MACROD2: variants seen among roughly 807,000 people sequenced by gnomAD.
MACROD2 encodes mono-ADP ribosylhydrolase 2, also known as ADP-ribose glycohydrolase MACROD2.
A neutral mutation model predicts 70.4 loss-of-function variants in MACROD2; 36 were observed. The ratio of observed to expected loss-of-function variants is 0.51; its 90% confidence interval spans 0.39 to 0.68. The LOEUF (loss-of-function observed/expected upper bound fraction) is 0.68. Among genes scored for constraint, MACROD2 ranks in the 30% least tolerant of loss-of-function variants. The pLI is 0.00. For missense variants in MACROD2, 496 were observed against 538.4 expected, an observed-to-expected ratio of 0.92 and a Z score of 0.78; for synonymous variants, 172 against 178.8, an observed-to-expected ratio of 0.96 and a Z score of 0.30.
chr20:14,542,212 T>C (rs971840622), intron 4 of MACROD2, among the ~76,000 whole-genome samples: 1 of 152,234 alleles, frequency 6.6e-6, no homozygotes, highest in African/African-American at 2.4e-5. Context: ...CTCCTATGTA[T>C]ATTTTGCCAA....
At chr20:14,862,323 A>T (rs1194775599) in intron 5 of MACROD2, among the ~76,000 whole-genome samples, 1 of 36,006 alleles carries the variant, frequency 2.8e-5, no homozygotes, top group East Asian at 1.1e-3. Context: ...GTAAATATAT[A>T]TATAAAAATA....
chr20:15,937,306 A>G (rs1379090009), intron 11 of MACROD2, among the ~76,000 whole-genome samples, 170 bp from the exon 12 acceptor site: 1 of 152,136 alleles, frequency 6.6e-6, no homozygotes, highest in African/African-American at 2.4e-5. Context: ...ACTAATTATA[A>G]AAGAGAGTCC....
intron 4 of MACROD2, among the ~76,000 whole-genome samples, chr20:14,513,116 T>A (rs2085049143): frequency 6.6e-6 from 1 of 152,116 alleles, no homozygotes; most frequent in African/African-American, 2.4e-5. Flanking sequence ...GGGTCTGAGG[T>A]TGTGATAAAT....
chr20:15,776,841 T>G (rs1334691187), intron 8 of MACROD2, among the ~76,000 whole-genome samples: 1 of 152,176 alleles, frequency 6.6e-6, no homozygotes, highest in Non-Finnish European at 1.5e-5. Flanking sequence ...ATGACACAAG[T>G]TGTCCTGGGT....
intron 8 of MACROD2, among the ~76,000 whole-genome samples, chr20:15,573,203 G>A (rs1047352491): frequency 1.6e-4 from 25 of 152,024 alleles, no homozygotes; most frequent in Non-Finnish European, 3.1e-4. Flanking sequence ...TTCCCATGTC[G>A]TTTTAAACCA....
intron 3 of MACROD2, among the ~76,000 whole-genome samples, chr20:14,301,306 G>A (rs2082473414): frequency 6.6e-6 from 1 of 151,892 alleles, no homozygotes; most frequent in Admixed American, 6.6e-5. Context: ...ATCTCAGGTG[G>A]GAAAAAATAA....
intron 5 of MACROD2, among the ~76,000 whole-genome samples, chr20:14,943,429 T>G (rs1172086189): frequency 6.6e-6 from 1 of 152,184 alleles, no homozygotes; most frequent in Non-Finnish European, 1.5e-5. Flanking sequence ...CAAGGCTTTT[T>G]AATTTTTTAA....
intron 11 of MACROD2, 25 bp from the exon 12 acceptor site, chr20:15,937,451 G>A: frequency 5.0e-6 from 8 of 1,611,082 alleles, no homozygotes; most frequent in Non-Finnish European, 6.8e-6. Context: ...GAACTCTGAG[G>A]CAGTGTTTCT....
intron 10 of MACROD2, among the ~76,000 whole-genome samples, chr20:15,914,126 ACTATTAACCC>A (rs1457100092): frequency 6.6e-6 from 1 of 152,220 alleles, no homozygotes; most frequent in East Asian, 1.9e-4. Flanking sequence ...TTACAGGAAG[ACTATTAACCC>A]CTTTCTTTTT....
At chr20:15,517,876 A>C (rs1327289848) in intron 8 of MACROD2, among the ~76,000 whole-genome samples, 1 of 152,258 alleles carries the variant, frequency 6.6e-6, no homozygotes, top group Non-Finnish European at 1.5e-5. Context: ...ATAAATCTGG[A>C]AAATGCTAAT....
At chr20:14,342,565 A>G (rs2083024345) in intron 3 of MACROD2, among the ~76,000 whole-genome samples, 1 of 152,200 alleles carries the variant, frequency 6.6e-6, no homozygotes, top group Non-Finnish European at 1.5e-5. Context: ...AAGTCAGGCC[A>G]GATGCTTAAT....
chr20:15,002,373 T>C (rs570160849), intron 5 of MACROD2, among the ~76,000 whole-genome samples: 2 of 152,332 alleles, frequency 1.3e-5, no homozygotes, highest in African/African-American at 4.8e-5. Context: ...ATTCATGATG[T>C]TGAGCATTTT....
chr20:14,321,730 G>A (rs1365758363), intron 3 of MACROD2, among the ~76,000 whole-genome samples: 1 of 152,078 alleles, frequency 6.6e-6, no homozygotes, highest in African/African-American at 2.4e-5. Context: ...TATAAAATAT[G>A]CATTAATCAG....
At chr20:14,267,870 G>A (rs1601416404) in intron 3 of MACROD2, among the ~76,000 whole-genome samples, 1 of 152,088 alleles carries the variant, frequency 6.6e-6, no homozygotes, top group Non-Finnish European at 1.5e-5. Context: ...GGGATTCATA[G>A]ACCCCTGAAA....
At position 14,801,554 on chromosome 20, in the gene MACROD2, G is replaced by A. The variant is rs140789398; in HGVS notation, c.418+116595G>A. ...TTTTTATACAGTAATAGCTACAATG[G>A]CAATATATATTGACCTTCTGCTAAG... On this transcript the variant is annotated intron_variant, in intron 5 of 17. Coordinates refer to ENST00000684519, the MANE Select transcript of MACROD2 (RefSeq NM_001351661.2). 6.4e-3 allele frequency among the ~76,000 whole-genome samples: 978 copies of A among 151,996 alleles called. 13 individuals are homozygous for A. Among genetic ancestry groups the A allele is most frequent in the Middle Eastern group, 0.031 (9 of 292 alleles).
intron 8 of MACROD2, among the ~76,000 whole-genome samples, chr20:15,575,830 G>A (rs535410872): frequency 6.0e-4 from 91 of 152,074 alleles, no homozygotes; most frequent in African/African-American, 2.2e-3. Context: ...AGTCCCCCGT[G>A]TCTCTTTCCG....
At chr20:15,985,944 T>G (rs1227678151) in intron 13 of MACROD2, 1 of 152,220 alleles carries the variant, frequency 6.6e-6, no homozygotes, top group Non-Finnish European at 1.5e-5. Context: ...GGGTCGTGAT[T>G]GATTTGAGCA....
intron 5 of MACROD2, among the ~76,000 whole-genome samples, chr20:15,085,403 A>G (rs571285840): frequency 6.6e-6 from 1 of 152,288 alleles, no homozygotes; most frequent in East Asian, 1.9e-4. Context: ...ATTGAACTTC[A>G]TCAAAATTAA....
At chr20:14,470,650 T>A (rs1238090329) in intron 3 of MACROD2, among the ~76,000 whole-genome samples, 5 of 152,164 alleles carry the variant, frequency 3.3e-5, no homozygotes, top group African/African-American at 1.2e-4. Context: ...AGAGGCAGTC[T>A]GGCTACAGTG....
Sources: allele counts gnomAD v4.1 joint callset (sites outside exome capture counted in the v4.1 genomes callset), GRCh38; gene constraint gnomAD v4.1.1; transcripts MANE v1.5; gene names NCBI Gene and HGNC (gene_info 2026-07-23, HGNC 2026-07-21).